CACUL1: variants seen among roughly 807,000 people sequenced by gnomAD.
CACUL1 encodes the protein CDK2-associated and cullin domain-containing protein 1.
A neutral mutation model predicts 45.2 loss-of-function variants in CACUL1; 13 were observed. The observed-to-expected ratio is 0.29, with a 90% CI of 0.19 to 0.46. The LOEUF is 0.46. Among genes scored for constraint, CACUL1 ranks in the 20% least tolerant of loss-of-function variants. The pLI, the probability that CACUL1 is intolerant of heterozygous loss-of-function variation, is 1.00. For synonymous variants in CACUL1, 197 were observed against 174.2 expected, an observed-to-expected ratio of 1.13 and a Z score of -1.03; for missense variants, 421 against 471.4, an observed-to-expected ratio of 0.89 and a Z score of 0.99.
chr10:118,705,543 G>GTCTA (rs1404410753), intron 4 of CACUL1, among the ~76,000 whole-genome samples: 2 of 152,106 alleles, frequency 1.3e-5, no homozygotes, highest in Non-Finnish European at 2.9e-5. Flanking sequence ...ACTCAAGTTA[G>GTCTA]TCTACCTCTT....
chr10:118,737,508 A>G (rs1032375374), intron 1 of CACUL1, among the ~76,000 whole-genome samples: 2 of 152,204 alleles, frequency 1.3e-5, no homozygotes, highest in African/African-American at 4.8e-5. Context: ...TAAGCCTTAT[A>G]ACATACCAGC....
intron 1 of CACUL1, among the ~76,000 whole-genome samples, chr10:118,753,980 C>T (rs1415792574): frequency 6.6e-6 from 1 of 152,236 alleles, no homozygotes; most frequent in Non-Finnish European, 1.5e-5. Flanking sequence ...TTTTCTCTCT[C>T]TGGCTGCAGA....
At chr10:118,744,407 C>T (rs1589619948) in intron 1 of CACUL1, among the ~76,000 whole-genome samples, 1 of 151,380 alleles carries the variant, frequency 6.6e-6, no homozygotes, top group South Asian at 2.1e-4. Flanking sequence ...CAAAAACAAA[C>T]AAAAAAAACA....
At chr10:118,712,245 C>CG (rs1422272061) in intron 3 of CACUL1, among the ~76,000 whole-genome samples, 4 of 152,196 alleles carry the variant, frequency 2.6e-5, no homozygotes, top group African/African-American at 9.7e-5. Flanking sequence ...AGGCTGCGCT[C>CG]GGCTCATGCT....
At chr10:118,697,358 A>G (rs1845333169) in intron 5 of CACUL1, among the ~76,000 whole-genome samples, 1 of 152,228 alleles carries the variant, frequency 6.6e-6, no homozygotes, top group East Asian at 1.9e-4. Flanking sequence ...TTCACTCTAA[A>G]TTCTGTACTC....
At chr10:118,709,832 TTTCTAA>T (rs1845467432) in intron 3 of CACUL1, among the ~76,000 whole-genome samples, 1 of 152,344 alleles carries the variant, frequency 6.6e-6, no homozygotes, top group East Asian at 1.9e-4. Context: ...GTCTTTATTT[TTTCTAA>T]TTCATCGTAC....
intron 4 of CACUL1, among the ~76,000 whole-genome samples, chr10:118,702,377 G>T (rs989481219): frequency 6.6e-6 from 1 of 152,120 alleles, no homozygotes; most frequent in African/African-American, 2.4e-5. Flanking sequence ...CCGATGTTAC[G>T]GAGAGCAGAG....
chr10:118,703,133 T>C (rs1337472433), intron 4 of CACUL1, among the ~76,000 whole-genome samples: 1 of 152,006 alleles, frequency 6.6e-6, no homozygotes, highest in Non-Finnish European at 1.5e-5. Context: ...AAAAAATATA[T>C]AAAAATAAGA....
intron 3 of CACUL1, among the ~76,000 whole-genome samples, chr10:118,720,521 G>A (rs1845590123): frequency 6.6e-6 from 1 of 152,046 alleles, no homozygotes; most frequent in Non-Finnish European, 1.5e-5. Flanking sequence ...ATTCATAATT[G>A]TACTCTGTAC....
chr10:118,743,881 C>T (rs1043941552), intron 1 of CACUL1, among the ~76,000 whole-genome samples: 1 of 151,524 alleles, frequency 6.6e-6, no homozygotes, highest in African/African-American at 2.4e-5. Context: ...TCTCTGCAGA[C>T]AAAAGCTGAA....
Position 118,754,293 on chromosome 10 carries a change from G to C in CACUL1, c.367+103C>G, listed in dbSNP as rs953207706. ...GCGGACGGGGAGAAGAGGAAAGACCGAGGCCTGAAACAAAGGAAGCGGAGC... is the reference window on the plus strand; with the variant it reads ...GCGGACGGGGAGAAGAGGAAAGACCCAGGCCTGAAACAAAGGAAGCGGAGC... On this transcript the variant is annotated intron_variant, in intron 1 of 8. Transcript: ENST00000369151. 18 of 1,418,872 alleles carry C rather than the reference G, an allele frequency of 1.3e-5. 1 individual carries two copies. The highest frequency in any genetic ancestry group is 9.4e-5 in the South Asian group (6 of 64,044). 87.9% of individuals were successfully genotyped at this position (1,418,872 alleles called of 1,614,324 possible). A position where few individuals can be genotyped will look rare whatever the true frequency, so the allele number is the denominator to read the frequency against.
At chr10:118,751,177 C>T (rs958337491) in intron 1 of CACUL1, among the ~76,000 whole-genome samples, 2 of 152,176 alleles carry the variant, frequency 1.3e-5, no homozygotes, top group African/African-American at 4.8e-5. Flanking sequence ...GTCAGATCAT[C>T]ATCCCTTGTT....
chr10:118,720,493 T>C (rs1453826905), intron 3 of CACUL1, among the ~76,000 whole-genome samples: 1 of 152,212 alleles, frequency 6.6e-6, no homozygotes, highest in East Asian at 1.9e-4. Context: ...AAAGAAAGTA[T>C]ATCTTAAAAA....
chr10:118,693,695 TACAC>T (rs771217464), intron 6 of CACUL1: 1 of 456,548 alleles, frequency 2.2e-6, no homozygotes, highest in South Asian at 1.5e-5. Context: ...CATAACCTGG[TACAC>T]ACACTATTTC....
intron 1 of CACUL1, among the ~76,000 whole-genome samples, chr10:118,742,513 G>T (rs1029202959): frequency 5.3e-5 from 8 of 152,118 alleles, no homozygotes; most frequent in African/African-American, 1.9e-4. Context: ...TCAAAAAATA[G>T]CAAGACAAGA....
chr10:118,751,239 G>A (rs1177716033), intron 1 of CACUL1, among the ~76,000 whole-genome samples: 1 of 152,042 alleles, frequency 6.6e-6, no homozygotes, highest in Non-Finnish European at 1.5e-5. Flanking sequence ...TTTGCCAAAT[G>A]AATAATTTTC....
At chr10:118,745,967 T>C (rs914320743) in intron 1 of CACUL1, among the ~76,000 whole-genome samples, 1 of 144,166 alleles carries the variant, frequency 6.9e-6, no homozygotes, top group African/African-American at 2.6e-5. Flanking sequence ...TGAAACCCCA[T>C]CTCTACTAAA....
chr10:118,729,280 C>A lies in CACUL1; in HGVS notation c.597+15G>T, dbSNP rs772305041. 1.3e-6 allele frequency: 2 copies of A among 1,589,846 alleles called. No homozygotes were observed. The highest frequency in any genetic ancestry group is 1.7e-6 in the Non-Finnish European group (2 of 1,159,286). On this transcript the variant is annotated intron_variant, in intron 3 of 8. Transcript: ENST00000369151. ...AAACCCAAGGAAGCAAAAATCAATACAATCAGTTCTTTACCTGCAGCTCCT... is the reference window on the plus strand; with the variant it reads ...AAACCCAAGGAAGCAAAAATCAATAAAATCAGTTCTTTACCTGCAGCTCCT...
At chr10:118,703,349 A>G (rs1348057724) in intron 4 of CACUL1, among the ~76,000 whole-genome samples, 2 of 151,952 alleles carry the variant, frequency 1.3e-5, no homozygotes, top group Non-Finnish European at 2.9e-5. Context: ...AATATTAAAC[A>G]CTGCATTGTA....
Sources: gnomAD v4.1 joint callset for allele counts (sites outside exome capture counted in the v4.1 genomes callset) on GRCh38, gnomAD v4.1.1 for gene constraint, MANE v1.5 for transcripts, NCBI Gene and HGNC (gene_info 2026-07-23, HGNC 2026-07-21) for gene names.